The following OCA2 variants were observed in gnomAD, a reference collection of about 807,000 sequenced individuals.
The protein encoded by OCA2 is P protein.
Under a neutral mutation model 100.2 loss-of-function variants are expected in OCA2, and 77 were observed. That is an observed-to-expected ratio of 0.77 (90% confidence interval 0.64 to 0.93). The LOEUF is 0.93. Ranked by LOEUF, OCA2 falls within the 40% of genes least tolerant of loss-of-function variation. The pLI, the probability that OCA2 is intolerant of heterozygous loss-of-function variation, is 0.00. For synonymous variants in OCA2, 432 were observed against 439.2 expected (o/e 0.98, Z 0.21); for missense variants, 1,062 against 1,089.1 (o/e 0.98, Z 0.35).
rs71132824 is a variant in OCA2 at position 27,831,284 on chromosome 15, C to CAAAAAAAAAAAAAA, written c.2432+13661_2432+13674dup. ...CTGGTGACAGAGCGAGACTCCGTCT[C>CAAAAAAAAAAAAAA]AAAAAAAAAAAAAAAAAAAAAATCG... On this transcript the variant is annotated intron_variant, in intron 23 of 23. Coordinates refer to ENST00000354638, the MANE Select transcript of OCA2 (RefSeq NM_000275.3). 7.3e-3 allele frequency among the ~76,000 whole-genome samples: 454 copies of CAAAAAAAAAAAAAA among 62,570 alleles called. 76 individuals are homozygous for CAAAAAAAAAAAAAA. The highest frequency in any genetic ancestry group is 0.018 in the East Asian group (34 of 1,892). The allele number at this position is 62,570 out of a possible 152,430, so 41.0% of individuals were successfully genotyped here. A position where few individuals can be genotyped will look rare whatever the true frequency, so the allele number is the denominator to read the frequency against.
chr15:27,966,887 G>C, intron 14 of OCA2, 65 bp from the exon 15 acceptor site: 5 of 1,538,214 alleles, frequency 3.3e-6, no homozygotes, highest in Non-Finnish European at 4.4e-6. Flanking sequence ...TGTAATCCCA[G>C]CACTTTCCGA....
chr15:28,065,295 C>G (rs1292146908), intron 2 of OCA2, among the ~76,000 whole-genome samples: 1 of 152,134 alleles, frequency 6.6e-6, no homozygotes, highest in African/African-American at 2.4e-5. Flanking sequence ...CACACAGGTA[C>G]TTTTGAGTAT....
intron 18 of OCA2, among the ~76,000 whole-genome samples, chr15:27,949,047 G>A (rs576602223): frequency 2.6e-5 from 4 of 152,084 alleles, no homozygotes; most frequent in Admixed American, 1.3e-4. Flanking sequence ...TCCAAAGAAC[G>A]CTACATTCAA....
intron 9 of OCA2, among the ~76,000 whole-genome samples, chr15:27,997,412 C>G (rs1176063701): frequency 6.6e-6 from 1 of 150,640 alleles, no homozygotes; most frequent in Admixed American, 6.6e-5. Context: ...CCAGTTTTCC[C>G]AGCACCATTT....
intron 23 of OCA2, among the ~76,000 whole-genome samples, chr15:27,826,976 CG>C (rs558829346): frequency 2.1e-4 from 32 of 152,364 alleles, no homozygotes; most frequent in African/African-American, 7.7e-4. Context: ...TCCTGCCCTC[CG>C]CATGGTCTCC....
At chr15:27,928,756 C>A (rs1450616818) in intron 18 of OCA2, among the ~76,000 whole-genome samples, 3 of 152,182 alleles carry the variant, frequency 2.0e-5, no homozygotes, top group Non-Finnish European at 4.4e-5. Context: ...CACTTCAAAT[C>A]TCTCCTGCCT....
intron 23 of OCA2, among the ~76,000 whole-genome samples, chr15:27,766,923 T>C (rs1033799123): frequency 6.6e-6 from 1 of 152,218 alleles, no homozygotes; most frequent in African/African-American, 2.4e-5. Context: ...TTTCCTGTCC[T>C]GCCCACTGCT....
chr15:27,812,208 C>A (rs530642086), intron 23 of OCA2, among the ~76,000 whole-genome samples: 1 of 152,330 alleles, frequency 6.6e-6, no homozygotes, highest in African/African-American at 2.4e-5. Context: ...AAAGCCACCA[C>A]GACCTTCTGC....
At chr15:27,907,614 T>C (rs1477202497) in intron 19 of OCA2, among the ~76,000 whole-genome samples, 1 of 152,086 alleles carries the variant, frequency 6.6e-6, no homozygotes, top group African/African-American at 2.4e-5. Flanking sequence ...ACAATCTAAC[T>C]TGATTAAGGG....
intron 20 of OCA2, 52 bp downstream of exon 20, chr15:27,871,811 C>G (rs1359642881): frequency 6.4e-6 from 8 of 1,249,328 alleles, no homozygotes; most frequent in Non-Finnish European, 9.3e-6. Flanking sequence ...ATTTTTTTCA[C>G]AAAATCAAAG....
chr15:28,027,344 G>C (rs974500452), intron 4 of OCA2, among the ~76,000 whole-genome samples: 2 of 152,074 alleles, frequency 1.3e-5, no homozygotes, highest in African/African-American at 4.8e-5. Flanking sequence ...GCTTCCCCAA[G>C]CATGGCTCTG....
chr15:28,050,031 C>T (rs189156170), intron 2 of OCA2, among the ~76,000 whole-genome samples: 27 of 152,276 alleles, frequency 1.8e-4, no homozygotes, highest in Admixed American at 4.6e-4. Flanking sequence ...GTAATCCCAA[C>T]TCTTTGGGAG....
intron 19 of OCA2, among the ~76,000 whole-genome samples, chr15:27,898,077 T>C (rs1408469321): frequency 6.6e-6 from 1 of 152,200 alleles, no homozygotes; most frequent in Non-Finnish European, 1.5e-5. Context: ...ATCTAGGAAG[T>C]AACTAACTTG....
At chr15:27,980,459 G>C (rs1461657745) in intron 14 of OCA2, among the ~76,000 whole-genome samples, 1 of 152,170 alleles carries the variant, frequency 6.6e-6, no homozygotes. Flanking sequence ...ATTTCCCCAT[G>C]TAGTTACCCT....
intron 10 of OCA2, among the ~76,000 whole-genome samples, chr15:27,990,000 G>C (rs970569627): frequency 4.2e-4 from 64 of 152,180 alleles, no homozygotes; most frequent in African/African-American, 1.3e-3. Context: ...CAGATGACAG[G>C]AACTGGCATG....
At chr15:27,794,345 G>C (rs1170727038) in intron 23 of OCA2, among the ~76,000 whole-genome samples, 3 of 152,168 alleles carry the variant, frequency 2.0e-5, no homozygotes, top group Non-Finnish European at 4.4e-5. Flanking sequence ...GTGCGCTCAG[G>C]AGGACTTGCT....
intron 23 of OCA2, among the ~76,000 whole-genome samples, chr15:27,799,123 CAA>C (rs35113184): frequency 0.33 from 49,694 of 152,060 alleles, 9,777 homozygotes; most frequent in South Asian, 0.56. Context: ...ACTTTCTTTG[CAA>C]TCGTCAGGCA....
At chr15:28,069,396 C>CCCCCT (rs2044137638) in intron 2 of OCA2, among the ~76,000 whole-genome samples, 1 of 16,812 alleles carries the variant, frequency 5.9e-5, no homozygotes, top group East Asian at 2.1e-3. Context: ...CCCTCCCCCT[C>CCCCCT]CCCCTCCCCT....
At chr15:27,985,586 G>A (rs1381062353) in intron 12 of OCA2, among the ~76,000 whole-genome samples, 1 of 152,184 alleles carries the variant, frequency 6.6e-6, no homozygotes, top group Non-Finnish European at 1.5e-5. Flanking sequence ...TTAATAGTAA[G>A]GAGTAATAGA....
Sources: gnomAD v4.1 joint callset for allele counts (sites outside exome capture counted in the v4.1 genomes callset) on GRCh38, gnomAD v4.1.1 for gene constraint, MANE v1.5 for transcripts, NCBI Gene and HGNC (gene_info 2026-07-23, HGNC 2026-07-21) for gene names.